ANGPT4: variants seen among roughly 807,000 people sequenced by gnomAD.
ANGPT4 encodes the protein angiopoietin-4.
A neutral mutation model predicts 53.0 loss-of-function variants in ANGPT4; 50 were observed. That is an observed-to-expected ratio of 0.94 (90% confidence interval 0.75 to 1.20). The LOEUF (loss-of-function observed/expected upper bound fraction) is 1.20, where lower values mean the gene tolerates loss of function less well. Among genes scored for constraint, ANGPT4 ranks in the 50% most tolerant of loss-of-function variants. The pLI, the probability that ANGPT4 is intolerant of heterozygous loss-of-function variation, is 0.00. For synonymous variants in ANGPT4, 251 were observed against 259.7 expected (o/e 0.97, Z 0.32); for missense variants, 648 against 637.1 (o/e 1.02, Z -0.18).
At position 911,795 on chromosome 20, in the gene ANGPT4, A is replaced by C. The variant is rs11700328; in HGVS notation, c.309+4111T>G. 0.3 allele frequency among the ~76,000 whole-genome samples: 46,214 copies of C among 151,750 alleles called. 7,524 individuals carry two copies. Among genetic ancestry groups the C allele is most frequent in the Non-Finnish European group, 0.37 (25,302 of 67,898 alleles). The stretch of plus-strand genomic sequence containing the variant: ...GCACCATTGCACCCCAGTGTGGTTG[A>C]GAGAGTCAGACCTTGTCTTTAGGAG... On this transcript the variant is annotated intron_variant, in intron 1 of 8. Coordinates refer to ENST00000381922, the MANE Select transcript of ANGPT4 (RefSeq NM_015985.4). The surrounding 1 kb of genome is among the most constrained non-coding windows in gnomAD (Gnocchi z 4.9).
At chr20:881,099 G>T (rs1473849452) in intron 5 of ANGPT4, 72 bp downstream of exon 5, 19 of 1,219,588 alleles carry the variant, frequency 1.6e-5, no homozygotes, top group Non-Finnish European at 2.0e-5. Flanking sequence ...CCGATGGGGT[G>T]CGGGGTGTCT....
intron 1 of ANGPT4, among the ~76,000 whole-genome samples, chr20:903,798 G>A (rs142542820): frequency 2.4e-3 from 366 of 152,260 alleles, no homozygotes; most frequent in Admixed American, 2.0e-3. Flanking sequence ...CCGGCCTGAC[G>A]GTAAAAGGAA....
intron 2 of ANGPT4, 51 bp from the exon 3 acceptor site, chr20:888,490 CCCTGCCCAACCACCCA>C: frequency 6.4e-7 from 1 of 1,564,446 alleles, no homozygotes; most frequent in East Asian, 2.3e-5. Context: ...GCTACAGGAG[CCCTGCCCAACCACCCA>C]CCTGCCCACA....
intron 1 of ANGPT4, among the ~76,000 whole-genome samples, chr20:913,641 T>C (rs1982797434): frequency 1.3e-5 from 2 of 152,202 alleles, no homozygotes; most frequent in South Asian, 4.1e-4. Flanking sequence ...TTCCCAAGCA[T>C]CCGACACCCA....
intron 1 of ANGPT4, among the ~76,000 whole-genome samples, chr20:898,236 T>G (rs1345629967): frequency 6.6e-6 from 1 of 152,168 alleles, no homozygotes; most frequent in Non-Finnish European, 1.5e-5. Context: ...CCTCAGCATC[T>G]GCTCCCCTAC....
intron 1 of ANGPT4, among the ~76,000 whole-genome samples, chr20:898,924 C>T (rs1451880264): frequency 6.6e-6 from 1 of 152,196 alleles, no homozygotes; most frequent in Non-Finnish European, 1.5e-5. Flanking sequence ...CCAACTGTCC[C>T]ACTCGCCCAC....
In ANGPT4 at chr20:891,002, G is replaced by A. The variant is rs75152287; in HGVS notation, c.310-634C>T. ...CTATCTCTCTTTTTATCTGTCTGTTGTCTGTTTCTCTCTCTAGAATGTCAA... is the reference window on the plus strand; with the variant it reads ...CTATCTCTCTTTTTATCTGTCTGTTATCTGTTTCTCTCTCTAGAATGTCAA... On this transcript the variant is annotated intron_variant, in intron 1 of 8. Transcript: ENST00000381922. Among the ~76,000 whole-genome samples the A allele has an allele frequency of 3.3e-3, 503 of 152,258 alleles. 2 individuals carry two copies. The highest frequency in any genetic ancestry group is 0.01 in the Middle Eastern group (3 of 294).
intron 3 of ANGPT4, among the ~76,000 whole-genome samples, chr20:886,556 G>A (rs148619832): frequency 0.013 from 2,005 of 152,286 alleles, 33 homozygotes; most frequent in African/African-American, 0.033. Flanking sequence ...AGTTGAAAAT[G>A]TCCTAAGTCA....
At chr20:877,909 C>T (rs1405733899) in intron 7 of ANGPT4, among the ~76,000 whole-genome samples, 1 of 152,208 alleles carries the variant, frequency 6.6e-6, no homozygotes, top group Non-Finnish European at 1.5e-5. Context: ...CCTTGGAAGA[C>T]CCCTTCTTGC....
In ANGPT4 at chr20:916,229, A is replaced by G. The variant is rs376436931; in HGVS notation, c.-15T>C. 34 of 1,605,446 alleles carry G rather than the reference A, an allele frequency of 2.1e-5. No individual in the cohort carries two copies. In the African/African-American group the frequency reaches 2.8e-4, roughly 13 times the overall value. On this transcript the variant is annotated 5_prime_UTR_variant, in exon 1 of 9. Coordinates refer to ENST00000381922, the MANE Select transcript of ANGPT4 (RefSeq NM_015985.4). ...TGGGAGAGCATCTGAAGATGTGTCA[A>G]TGGCGAGGGATGTCTGCTCAGAGCC...
chr20:899,366 G>A (rs929563459), intron 1 of ANGPT4, among the ~76,000 whole-genome samples: 2 of 151,756 alleles, frequency 1.3e-5, no homozygotes, highest in South Asian at 2.1e-4. Flanking sequence ...TCCTGCCTCA[G>A]CCTCCCGAGT....
chr20:882,180 G>T (rs6077309), intron 4 of ANGPT4, among the ~76,000 whole-genome samples: 4 of 151,976 alleles, frequency 2.6e-5, no homozygotes, highest in Admixed American at 2.6e-4. Flanking sequence ...ACATGAGATC[G>T]GGATAGTATT....
chr20:906,263 A>G (rs1877885268), intron 1 of ANGPT4, among the ~76,000 whole-genome samples: 1 of 152,142 alleles, frequency 6.6e-6, no homozygotes, highest in Non-Finnish European at 1.5e-5. Flanking sequence ...AGCCCTTGGG[A>G]GGAAGCCATC....
chr20:875,103 T>C (rs930758822), intron 7 of ANGPT4, among the ~76,000 whole-genome samples: 2 of 152,170 alleles, frequency 1.3e-5, no homozygotes, highest in Non-Finnish European at 2.9e-5. Flanking sequence ...TCATTCTCCT[T>C]TAATCCTCAC....
chr20:913,431 G>C (rs550040700), intron 1 of ANGPT4, among the ~76,000 whole-genome samples: 1 of 152,162 alleles, frequency 6.6e-6, no homozygotes, highest in African/African-American at 2.4e-5. Flanking sequence ...AGTACCTGCA[G>C]CCAGGTCAGC....
In ANGPT4 at chr20:906,452, C is replaced by A. The variant is rs1324532036; in HGVS notation, c.309+9454G>T. Among the ~76,000 whole-genome samples the A allele has an allele frequency of 4.6e-5, 7 of 152,186 alleles. No individual in the cohort carries two copies. In the East Asian group the frequency reaches 1.3e-3, roughly 29 times the overall value. ...TGTTAAGTTGCTTCAGAATTCCTGACCCTCAGAAACTATGAAAGATAAGAA... is the reference window on the plus strand; with the variant it reads ...TGTTAAGTTGCTTCAGAATTCCTGAACCTCAGAAACTATGAAAGATAAGAA... On this transcript the variant is annotated intron_variant, in intron 1 of 8. Coordinates refer to ENST00000381922, the MANE Select transcript of ANGPT4 (RefSeq NM_015985.4).
chr20:911,829 A>G lies in ANGPT4; in HGVS notation c.309+4077T>C, dbSNP rs1470904638. On this transcript the variant is annotated intron_variant, in intron 1 of 8. Coordinates refer to ENST00000381922, the MANE Select transcript of ANGPT4 (RefSeq NM_015985.4). The surrounding 1 kb of genome is among the most constrained non-coding windows in gnomAD (Gnocchi z 4.9). ...GACCTTGTCTTTAGGAGAGAGACAG[A>G]GAGAGGGAGAGAGGGACAGAGAGAG... Among the ~76,000 whole-genome samples, 1 of 143,468 alleles carries G rather than the reference A, an allele frequency of 7.0e-6. No individual in the cohort carries two copies. The highest frequency in any genetic ancestry group is 1.6e-5 in the Non-Finnish European group (1 of 64,472). 94.1% of individuals were successfully genotyped at this position (143,468 alleles called of 152,430 possible). A position where few individuals can be genotyped will look rare whatever the true frequency, so the allele number is the denominator to read the frequency against.
chr20:908,289 C>T lies in ANGPT4; in HGVS notation c.309+7617G>A, dbSNP rs1273490435. On this transcript the variant is annotated intron_variant, in intron 1 of 8. Coordinates refer to ENST00000381922, the MANE Select transcript of ANGPT4 (RefSeq NM_015985.4). This position sits in a 1 kb window ranked among gnomAD's most constrained non-coding sequence, Gnocchi z 4.9. ...GGTGAGCACTCCAGTCTCATCTTGG[C>T]CATGCTCTCCTCGCTCTCTGCACTG... Among the ~76,000 whole-genome samples the T allele has an allele frequency of 6.6e-6, 1 of 152,142 alleles. No individual in the cohort carries two copies. Among genetic ancestry groups the T allele is most frequent in the Non-Finnish European group, 1.5e-5 (1 of 68,026 alleles).
chr20:888,389 C>G lies in ANGPT4; in HGVS notation c.516G>C (p.Leu172=). The G allele has an allele frequency of 1.2e-6, 2 of 1,613,822 alleles. No individual in the cohort carries two copies. Among genetic ancestry groups the G allele is most frequent in the Non-Finnish European group, 1.7e-6 (2 of 1,179,952 alleles). Residue 172 remains leucine, a synonymous_variant, in exon 3 of 9, where the codon CTG becomes CTC. Coordinates refer to ENST00000381922, the MANE Select transcript of ANGPT4 (RefSeq NM_015985.4). ...GCTGGTTCTCCAGCTTGTTGGTGGA[C>G]AGAAAGGTCTCTGGCATCTGGGCAT... ...RMDAQMPETF[L]STNKLENQLL...
Sources: allele counts gnomAD v4.1 joint callset (sites outside exome capture counted in the v4.1 genomes callset), GRCh38; gene constraint gnomAD v4.1.1; non-coding constraint Gnocchi (gnomAD v3.1); transcripts MANE v1.5; gene names NCBI Gene and HGNC (gene_info 2026-07-23, HGNC 2026-07-21).